ADCY4: variants seen among roughly 807,000 people sequenced by gnomAD.
The protein encoded by ADCY4 is adenylate cyclase type 4.
Under a neutral mutation model 125.5 loss-of-function variants are expected in ADCY4, and 111 were observed. The ratio of observed to expected loss-of-function variants is 0.88; its 90% CI spans 0.76 to 1.04. The LOEUF (loss-of-function observed/expected upper bound fraction) is 1.04. Ranked by LOEUF, ADCY4 falls within the 50% of genes least tolerant of loss-of-function variation. The pLI, the probability that ADCY4 is intolerant of heterozygous loss-of-function variation, is 0.00. For missense variants in ADCY4, 1,256 were observed against 1,382.9 expected, an observed-to-expected ratio of 0.91 and a Z score of 1.46; for synonymous variants, 576 against 586.9, an observed-to-expected ratio of 0.98 and a Z score of 0.27.
chr14:24,319,164 C>T lies in ADCY4; in HGVS notation c.2890G>A (p.Val964Met), dbSNP rs766224244. The T allele has an allele frequency of 1.8e-5, 29 of 1,613,940 alleles. No individual in the cohort carries two copies. Among genetic ancestry groups the T allele is most frequent in the Middle Eastern group, 1.6e-4 (1 of 6,084 alleles). ...ACGTCCAGCTTAGACCCCAGGGCCACGGCAAATTCCACCATAGTGCCAAGG... is the reference window on the plus strand; with the variant it reads ...ACGTCCAGCTTAGACCCCAGGGCCATGGCAAATTCCACCATAGTGCCAAGG... Reference protein sequence around the residue: ...SHLGTMVEFAVALGSKLDVIN... With the variant: ...SHLGTMVEFAMALGSKLDVIN... Residue 964 changes from valine (V) to methionine (M), a missense_variant, in exon 23 of 25, where the codon GTG becomes ATG. By Grantham distance (21) the Val-to-Met change is conservative. Coordinates refer to ENST00000418030, the MANE Select transcript of ADCY4 (RefSeq NM_001198568.2). This position sits in a 1 kb window ranked among gnomAD's most constrained non-coding sequence, Gnocchi z 4.5.
chr14:24,320,017 G>A lies in ADCY4; in HGVS notation c.2587-129C>T, dbSNP rs560576953. 4.6e-5 allele frequency: 54 copies of A among 1,163,630 alleles called. No individual in the cohort carries two copies. In the South Asian group the frequency reaches 7.9e-4, roughly 17 times the overall value. The allele number at this position is 1,163,630 out of a possible 1,614,324, so 72.1% of individuals were successfully genotyped here. On this transcript the variant is annotated intron_variant, in intron 20 of 24. Transcript: ENST00000418030. ...TGTTTAAGAAGAATTGGGAAGGAGG[G>A]AGAGGAGTAGGGCCAGGCTACCCCA...
chr14:24,331,821 T>C lies in ADCY4; in HGVS notation c.636A>G (p.Ser212=), dbSNP rs938212495. ...TCTTCTCGGTGTCCAGCCGCCGGCG[T>C]GAGTGCAGGGAGCTGAGTGCCTCCC... ...TFREALSSLH[S]RRRLDTEKKH... The change falls in exon 4 of 25, where the codon TCA becomes TCG. Residue 212 remains serine, a synonymous_variant. Coordinates refer to ENST00000418030, the MANE Select transcript of ADCY4 (RefSeq NM_001198568.2). The C allele has an allele frequency of 6.3e-7, 1 of 1,595,444 alleles. No homozygotes were observed. Among genetic ancestry groups the C allele is most frequent in the Non-Finnish European group, 8.6e-7 (1 of 1,166,726 alleles).
chr14:24,332,719 G>T, intron 2 of ADCY4, 36 bp from the exon 3 acceptor site: 1 of 1,565,770 alleles, frequency 6.4e-7, no homozygotes, highest in Middle Eastern at 1.7e-4. Context: ...AGGCCCAAGT[G>T]GGGCTATTCA....
In ADCY4 at chr14:24,322,022, C is replaced by A. The variant is rs2041859161; in HGVS notation, c.2586+44G>T. 3 of 1,577,258 alleles carry A rather than the reference C, an allele frequency of 1.9e-6. No individual in the cohort carries two copies. In the African/African-American group the frequency reaches 4.0e-5, roughly 21 times the overall value. On this transcript the variant is annotated intron_variant, in intron 20 of 24. Transcript: ENST00000418030. The stretch of plus-strand genomic sequence containing the variant: ...GTCAAGGCTTTCATCTGAAATTAGG[C>A]CCTATGGCATCCGTGGCTCAGGAGT...
intron 14 of ADCY4, among the ~76,000 whole-genome samples, chr14:24,324,596 G>A (rs2041911145): frequency 6.6e-6 from 1 of 152,212 alleles, no homozygotes; most frequent in African/African-American, 2.4e-5. Flanking sequence ...TGTCGAGGTG[G>A]AACAGGGACC....
rs769824973 is a variant in ADCY4, at chr14:24,322,977, G to A, written c.2269C>T (p.Leu757Phe). 2.5e-6 allele frequency: 4 copies of A among 1,613,914 alleles called. No homozygotes were observed. The highest frequency in any genetic ancestry group is 3.4e-6 in the Non-Finnish European group (4 of 1,179,988). ...LLLWLAASCS[L>F]FLHSHAWLSE... ...AGCCAGGCATGGGAGTGCAGGAAGA[G>A]GGAGCAGGATGCCGCCAGCCACAGC... Residue 757 changes from leucine (L) to phenylalanine (F), a missense_variant, in exon 18 of 25, where the codon CTC becomes TTC. Leu to Phe is a conservative substitution (Grantham distance 22). Transcript: ENST00000418030.
At position 24,331,047 on chromosome 14, in the gene ADCY4, G is replaced by C. The variant is rs2042032551; in HGVS notation, c.901C>G (p.Leu301Val). 5 of 1,612,230 alleles carry C rather than the reference G, an allele frequency of 3.1e-6. 1 individual carries two copies. The Admixed American group carries it at 8.3e-5, about 27-fold the overall frequency. The part of the protein sequence containing the change: ...PKELVLMLNE[L>V]FGKFDQIAKE... Reference sequence around the variant, plus strand: ...GCAATCTGGTCGAACTTGCCAAAGAGCTCATTGAGCATGAGCACCAGCTCC... The same window carrying C: ...GCAATCTGGTCGAACTTGCCAAAGACCTCATTGAGCATGAGCACCAGCTCC... The change falls in exon 6 of 25, where the codon CTC (leucine) becomes GTC (valine). Residue 301 changes from leucine to valine, a missense_variant. By Grantham distance (32) the Leu-to-Val change is conservative. Coordinates refer to ENST00000418030, the MANE Select transcript of ADCY4 (RefSeq NM_001198568.2).
At chr14:24,323,274 T>A in intron 17 of ADCY4, 70 bp downstream of exon 17, 5 of 1,468,486 alleles carry the variant, frequency 3.4e-6, no homozygotes, top group Non-Finnish European at 4.7e-6. Context: ...GTTCCTCCAC[T>A]CAGGGGGCTG....
chr14:24,323,095 G>C lies in ADCY4; in HGVS notation c.2158-7C>G, dbSNP rs200183779. The C allele has an allele frequency of 1.2e-5, 19 of 1,613,680 alleles. No individual in the cohort carries two copies. The Admixed American group carries it at 1.7e-4, about 14-fold the overall frequency. ...TGCAGCAGTGCATGGAGTACTGTGGGGCCAGGCAGGGGTCAGGAGTGGGCA... is the reference window on the plus strand; with the variant it reads ...TGCAGCAGTGCATGGAGTACTGTGGCGCCAGGCAGGGGTCAGGAGTGGGCA... On this transcript the variant is annotated splice_region_variant and splice_polypyrimidine_tract_variant and intron_variant, in intron 17 of 24. Transcript: ENST00000418030.
At position 24,330,363 on chromosome 14, in the gene ADCY4, A is replaced by C. The variant is rs867015871; in HGVS notation, c.931-68T>G. 22 of 1,601,702 alleles carry C rather than the reference A, an allele frequency of 1.4e-5. No individual in the cohort carries two copies. In the Middle Eastern group the frequency reaches 8.3e-4, roughly 61 times the overall value. On this transcript the variant is annotated intron_variant, in intron 6 of 24. Transcript: ENST00000418030. ...GTCAGAAGGGTAGGAGGGAGTTGGG[A>C]AAAGTGGGCAGCGAGCGGGGTATTC...
chr14:24,334,473 C>T (rs1368170732), intron 1 of ADCY4, 21 bp downstream of exon 1: 9 of 1,571,388 alleles, frequency 5.7e-6, no homozygotes, highest in African/African-American at 1.4e-5. Context: ...GAGACCCTCC[C>T]GCAGCAGAGG....
Position 24,319,590 on chromosome 14 carries a change from G to A in ADCY4, c.2733+152C>T. 1 of 1,215,186 alleles carries A rather than the reference G, an allele frequency of 8.2e-7. No homozygotes were observed. Among genetic ancestry groups the A allele is most frequent in the Admixed American group, 2.0e-5 (1 of 49,216 alleles). 75.3% of individuals were successfully genotyped at this position (1,215,186 alleles called of 1,614,324 possible). On this transcript the variant is annotated intron_variant, in intron 21 of 24. Transcript: ENST00000418030. This position sits in a 1 kb window ranked among gnomAD's most constrained non-coding sequence, Gnocchi z 4.5. ...AGGGTTGGTGGTGGGCAGTGTTGCT[G>A]GAGTGGGTAGATCTGGGGGATCAGA...
rs780023839 is a variant in ADCY4, at chr14:24,324,143, C to T, written c.1965G>A (p.Leu655=). ...TTCTCAGTCCTGGTCGTGTGGCCACCAGGCCAGACAGTGCAGGCAGCCAGT... is the reference window on the plus strand; with the variant it reads ...TTCTCAGTCCTGGTCGTGTGGCCACTAGGCCAGACAGTGCAGGCAGCCAGT... ...MLHWLPALSG[L]VATRPGLRIA... is the part of the protein sequence containing the mutation. The change falls in exon 16 of 25, where the codon CTG becomes CTA. Residue 655 remains leucine (L), a synonymous_variant. Transcript: ENST00000418030. 6.8e-6 allele frequency: 11 copies of T among 1,614,120 alleles called. No individual in the cohort carries two copies. The highest frequency in any genetic ancestry group is 9.3e-6 in the Non-Finnish European group (11 of 1,180,048).
rs1190080686 is a variant in ADCY4, at chr14:24,329,109, G to A, written c.1476C>T (p.Ala492=). The part of the protein sequence containing the change: ...LESWGAAKPF[A]HLSHGDSPVS... ...CAGGGCTGTCTCCGTGGCTCAGGTG[G>A]GCAAAAGGCTTGGCTGCGCCCCAGG... Residue 492 remains alanine, a synonymous_variant, in exon 10 of 25, where the codon GCC becomes GCT. Transcript: ENST00000418030. 6.2e-7 allele frequency: 1 copy of A among 1,613,768 alleles called. No homozygotes were observed. The highest frequency in any genetic ancestry group is 1.7e-5 in the Admixed American group (1 of 59,988).
chr14:24,329,453 T>A lies in ADCY4; in HGVS notation c.1298A>T (p.Asp433Val), dbSNP rs922785632. 2 of 1,580,312 alleles carry A rather than the reference T, an allele frequency of 1.3e-6. No individual in the cohort carries two copies. ...AVEDAGMEHR[D>V]PYLRELGEPT... ...CTCCCCTAGCTCCCGAAGGTAGGGG[T>A]CCCGATGCTCCATGCCTGCGTCCTC... The change falls in exon 9 of 25, where the codon GAC becomes GTC. Residue 433 changes from aspartate to valine, a missense_variant. By Grantham distance (152) the Asp-to-Val change is radical. Coordinates refer to ENST00000418030, the MANE Select transcript of ADCY4 (RefSeq NM_001198568.2).
rs1336882814 is a variant in ADCY4 at position 24,318,716 on chromosome 14, A to G, written c.3019T>C (p.Trp1007Arg). 2 of 1,614,028 alleles carry G rather than the reference A, an allele frequency of 1.2e-6. No individual in the cohort carries two copies. The highest frequency in any genetic ancestry group is 2.7e-5 in the African/African-American group (2 of 74,892). Reference protein sequence around the residue: ...IGAQKPQYDIWGNTVNVASRM... With the variant: ...IGAQKPQYDIRGNTVNVASRM... ...CTGGCCACGTTCACTGTGTTGCCCC[A>G]AATGTCATATTGCGGCTTCTGGGCC... The change falls in exon 24 of 25, where the codon TGG becomes CGG. Residue 1007 changes from tryptophan to arginine, a missense_variant. Trp to Arg is a moderately radical substitution (Grantham distance 101). Coordinates refer to ENST00000418030, the MANE Select transcript of ADCY4 (RefSeq NM_001198568.2).
In ADCY4 at chr14:24,319,505, C is replaced by G; in HGVS notation, c.2734-69G>C. On this transcript the variant is annotated intron_variant, in intron 21 of 24. Coordinates refer to ENST00000418030, the MANE Select transcript of ADCY4 (RefSeq NM_001198568.2). The surrounding 1 kb of genome is among the most constrained non-coding windows in gnomAD (Gnocchi z 4.5). ...TCCATCACCTCTCCCAGAAGCCCAG[C>G]CCCAAGCCTTTGGAGTTAAAGGATC... is the stretch of plus-strand genomic sequence containing the variant. 6.6e-7 allele frequency: 1 copy of G among 1,512,302 alleles called. No homozygotes were observed. Among genetic ancestry groups the G allele is most frequent in the Non-Finnish European group, 9.2e-7 (1 of 1,092,864 alleles). 93.7% of individuals were successfully genotyped at this position (1,512,302 alleles called of 1,614,324 possible).
chr14:24,332,715 A>G, intron 2 of ADCY4, 32 bp from the exon 3 acceptor site: 1 of 1,568,268 alleles, frequency 6.4e-7, no homozygotes, highest in Middle Eastern at 1.7e-4. Flanking sequence ...CCGAAGGCCC[A>G]AGTGGGGCTA....
intron 16 of ADCY4, 121 bp downstream of exon 16, chr14:24,323,938 TACA>T (rs1446192888): frequency 4.0e-5 from 55 of 1,367,954 alleles, no homozygotes; most frequent in Non-Finnish European, 4.9e-5. Context: ...TTTCTATTTG[TACA>T]ACATTTCCAG....
Sources: gnomAD v4.1 joint callset for allele counts (sites outside exome capture counted in the v4.1 genomes callset) on GRCh38, gnomAD v4.1.1 for gene constraint, Gnocchi (gnomAD v3.1) non-coding constraint, MANE v1.5 for transcripts, NCBI Gene and HGNC (gene_info 2026-07-23, HGNC 2026-07-21) for gene names.